SLCO4A1: variants seen among roughly 807,000 people sequenced by gnomAD.
SLCO4A1 encodes colon organic anion transporter.
SLCO4A1 carries 51 observed loss-of-function variants against 64.6 expected under a neutral mutation model. The observed-to-expected ratio is 0.79, with a 90% CI of 0.63 to 1.00. The LOEUF is 1.00. Among genes scored for constraint, SLCO4A1 ranks in the 50% least tolerant of loss-of-function variants. The pLI is 0.00. For synonymous variants in SLCO4A1, 471 were observed against 444.9 expected (o/e 1.06, Z -0.74); for missense variants, 919 against 980.5 (o/e 0.94, Z 0.84).
downstream of SLCO4A1, among the ~76,000 whole-genome samples, chr20:62,690,464 G>A (rs763695902): frequency 1.3e-5 from 2 of 152,100 alleles, no homozygotes; most frequent in Non-Finnish European, 2.9e-5. Context: ...CTCACTCCAC[G>A]CCCGCCCTCC....
downstream of SLCO4A1, among the ~76,000 whole-genome samples, chr20:62,689,466 C>T (rs747270853): frequency 6.6e-5 from 10 of 152,236 alleles, no homozygotes; most frequent in African/African-American, 1.2e-4. Context: ...AACGGACAGA[C>T]GGACAGATGC....
chr20:62,685,313 G>A lies in SLCO4A1; in HGVS notation n.212-128G>A, dbSNP rs891434982. ...GCCCTGGCTGCCCTGGCTGCCCCCC[G>A]ACACCTTCCCCAGCTGGTCGGTGCC... On this transcript the variant is annotated intron_variant and non_coding_transcript_variant, in intron 2 of 2. Coordinates refer to the SLCO4A1 transcript ENST00000466818. This position sits in a 1 kb window ranked among gnomAD's most constrained non-coding sequence, Gnocchi z 4.6. The A allele has an allele frequency of 5.3e-5, 17 of 318,136 alleles. No homozygotes were observed. Among genetic ancestry groups the A allele is most frequent in the Admixed American group, 1.9e-4 (3 of 15,488 alleles). 19.7% of individuals were successfully genotyped at this position (318,136 alleles called of 1,614,324 possible). A position where few individuals can be genotyped will look rare whatever the true frequency, so the allele number is the denominator to read the frequency against.
chr20:62,651,871 A>C (rs1982564532), intron 1 of SLCO4A1: 1 of 152,270 alleles, frequency 6.6e-6, no homozygotes, highest in Non-Finnish European at 1.5e-5. Flanking sequence ...GTATGAGGCA[A>C]GCCCAGTGCC....
At chr20:62,674,572 C>T (rs1187115559), downstream of SLCO4A1, among the ~76,000 whole-genome samples, 1 of 152,212 alleles carries the variant, frequency 6.6e-6, no homozygotes, top group African/African-American at 2.4e-5. Context: ...TGGTCTCTGA[C>T]TCACAGATGA....
At position 62,657,089 on chromosome 20, in the gene SLCO4A1, C is replaced by T. The variant is rs763079250; in HGVS notation, c.635C>T (p.Pro212Leu). The stretch of plus-strand genomic sequence containing the variant: ...GGTGTCAGGACGTGCCCTGCCAACC[C>T]CGGCGCGGTGTGTGCGGACAGCACC... ...DAGVRTCPAN[P>L]GAVCADSTSG... The change falls in exon 2 of 12, where the codon CCC becomes CTC. Residue 212 changes from proline to leucine, a missense_variant. Physicochemically the swap from Pro to Leu is moderately conservative, Grantham distance 98 (BLOSUM62 -3). Coordinates refer to ENST00000217159, the MANE Select transcript of SLCO4A1 (RefSeq NM_016354.4). 6.2e-7 allele frequency: 1 copy of T among 1,601,192 alleles called. No individual in the cohort carries two copies. Among genetic ancestry groups the T allele is most frequent in the Non-Finnish European group, 8.5e-7 (1 of 1,175,552 alleles).
downstream of SLCO4A1, among the ~76,000 whole-genome samples, chr20:62,673,334 G>C (rs767576742): frequency 4.2e-5 from 6 of 143,238 alleles, 1 homozygote; most frequent in Non-Finnish European, 8.0e-5. Flanking sequence ...TGGGGAGGAC[G>C]AGGAACCTCA....
At chr20:62,655,768 C>T (rs1197682168) in intron 1 of SLCO4A1, among the ~76,000 whole-genome samples, 5 of 152,198 alleles carry the variant, frequency 3.3e-5, no homozygotes, top group Admixed American at 2.0e-4. Flanking sequence ...AGGCTGCTTC[C>T]AGCTCATTCC....
downstream of SLCO4A1, chr20:62,672,630 C>T (rs940230575): frequency 1.3e-5 from 2 of 152,284 alleles, no homozygotes; most frequent in Non-Finnish European, 2.9e-5. Flanking sequence ...TTACATTTCC[C>T]TCGTTATTCA....
At position 62,655,552 on chromosome 20, in the gene SLCO4A1, C is replaced by G. The variant is rs375940712; in HGVS notation, c.-96-807C>G. On this transcript the variant is annotated intron_variant, in intron 1 of 11. Coordinates refer to ENST00000217159, the MANE Select transcript of SLCO4A1 (RefSeq NM_016354.4). ...AGTGAGGCGGTGCCCTGTGGAGCCT[C>G]GGGATGGTGGGGAACAGGGCTGGTG... Among the ~76,000 whole-genome samples, 10 of 152,244 alleles carry G rather than the reference C, an allele frequency of 6.6e-5. No homozygotes were observed. The East Asian group carries it at 1.7e-3, about 26-fold the overall frequency.
At chr20:62,652,447 CG>C (rs1343085680) in intron 1 of SLCO4A1, among the ~76,000 whole-genome samples, 1 of 152,094 alleles carries the variant, frequency 6.6e-6, no homozygotes, top group Non-Finnish European at 1.5e-5. Flanking sequence ...TGCGCCTCCT[CG>C]TCAGTCCCGC....
chr20:62,672,106 A>C lies in SLCO4A1; in HGVS notation c.*213A>C. 7.0e-7 allele frequency: 1 copy of C among 1,438,620 alleles called. No individual in the cohort carries two copies. The highest frequency in any genetic ancestry group is 9.1e-7 in the Non-Finnish European group (1 of 1,095,434). 89.1% of individuals were successfully genotyped at this position (1,438,620 alleles called of 1,614,324 possible). On this transcript the variant is annotated 3_prime_UTR_variant, in exon 12 of 12. Coordinates refer to ENST00000217159, the MANE Select transcript of SLCO4A1 (RefSeq NM_016354.4). ...CTTGCATAAATATATATTTATGGACACACAGTTTGCATCAGAACGTGTTTA... is the reference window on the plus strand; with the variant it reads ...CTTGCATAAATATATATTTATGGACCCACAGTTTGCATCAGAACGTGTTTA...
chr20:62,675,056 C>T (rs984175959), downstream of SLCO4A1, among the ~76,000 whole-genome samples: 2 of 152,194 alleles, frequency 1.3e-5, no homozygotes, highest in South Asian at 2.1e-4. Flanking sequence ...GCCCTGCCCC[C>T]ACCCTGGATG....
chr20:62,658,191 C>G (rs1271245919), intron 2 of SLCO4A1, among the ~76,000 whole-genome samples: 1 of 152,250 alleles, frequency 6.6e-6, no homozygotes, highest in African/African-American at 2.4e-5. Context: ...CTCTGCTCAT[C>G]CCAGTCACCT....
Position 62,665,011 on chromosome 20 carries a change from C to A in SLCO4A1, c.1199C>A (p.Thr400Asn). The A allele has an allele frequency of 1.2e-6, 2 of 1,614,022 alleles. No individual in the cohort carries two copies. Among genetic ancestry groups the A allele is most frequent in the African/African-American group, 1.3e-5 (1 of 75,052 alleles). Reference sequence around the variant, plus strand: ...GGGGCCACCGAGGCCACTCTCATCACCGGCATGTCCACGTTCAGCCCCAAG... The same window carrying A: ...GGGGCCACCGAGGCCACTCTCATCAACGGCATGTCCACGTTCAGCCCCAAG... ...LAGATEATLI[T>N]GMSTFSPKFL... The change falls in exon 6 of 12, where the codon ACC becomes AAC. Residue 400 changes from threonine (T) to asparagine (N), a missense_variant. Physicochemically the swap from Thr to Asn is moderately conservative, Grantham distance 65. Coordinates refer to ENST00000217159, the MANE Select transcript of SLCO4A1 (RefSeq NM_016354.4).
chr20:62,676,923 G>A (rs867580651), downstream of SLCO4A1, among the ~76,000 whole-genome samples: 14 of 152,352 alleles, frequency 9.2e-5, no homozygotes, highest in South Asian at 4.1e-4. Context: ...GTAAATCAGC[G>A]TGGGCTGTCC....
chr20:62,660,625 T>G, intron 4 of SLCO4A1, 92 bp downstream of exon 4: 2 of 1,418,424 alleles, frequency 1.4e-6, no homozygotes, highest in East Asian at 4.6e-5. Context: ...GCTGTCTTTT[T>G]CCCCGCCATG....
In SLCO4A1 at chr20:62,661,697, C is replaced by A. The variant is rs1362974565; in HGVS notation, c.1121+522C>A. 6.6e-6 allele frequency among the ~76,000 whole-genome samples: 1 copy of A among 151,642 alleles called. No individual in the cohort carries two copies. Among genetic ancestry groups the A allele is most frequent in the Non-Finnish European group, 1.5e-5 (1 of 67,842 alleles). ...TCCCTCCCTCAGAGTCTCTGAGGAC[C>A]TCCCCCCTCTACCCGGCGTGTCCCG... On this transcript the variant is annotated intron_variant, in intron 5 of 11. Transcript: ENST00000217159. The surrounding 1 kb of genome is among the most constrained non-coding windows in gnomAD (Gnocchi z 5.2).
At position 62,668,106 on chromosome 20, in the gene SLCO4A1, C is replaced by A. The variant is rs752778758; in HGVS notation, c.1733C>A (p.Pro578His). ...GKCTSTCQRK[P>H]LLLVFIFVVI... is the part of the protein sequence containing the mutation. ...TGCACTTCAACTTGTCAGAGAAAGCCCCTCCTTCTGGTTTTCATATTCGTT... is the reference window on the plus strand; with the variant it reads ...TGCACTTCAACTTGTCAGAGAAAGCACCTCCTTCTGGTTTTCATATTCGTT... Residue 578 changes from proline to histidine, a missense_variant, in exon 9 of 12, where the codon CCC becomes CAC. Coordinates refer to ENST00000217159, the MANE Select transcript of SLCO4A1 (RefSeq NM_016354.4). 56 of 1,613,818 alleles carry A rather than the reference C, an allele frequency of 3.5e-5. No homozygotes were observed. The highest frequency in any genetic ancestry group is 4.7e-5 in the Non-Finnish European group (56 of 1,180,040).
chr20:62,656,263 A>G, intron 1 of SLCO4A1, 96 bp from the exon 2 acceptor site: 1 of 568,478 alleles, frequency 1.8e-6, no homozygotes, highest in Non-Finnish European at 3.0e-6. Context: ...CAGAGCTTTG[A>G]GCCACCCCCG....
Sources: allele counts gnomAD v4.1 joint callset (sites outside exome capture counted in the v4.1 genomes callset), GRCh38; gene constraint gnomAD v4.1.1; non-coding constraint Gnocchi (gnomAD v3.1); transcripts MANE v1.5; gene names NCBI Gene and HGNC (gene_info 2026-07-23, HGNC 2026-07-21).